TTC28: variants seen among roughly 807,000 people sequenced by gnomAD.
The protein encoded by TTC28 is tetratricopeptide repeat protein 28.
A neutral mutation model predicts 198.0 loss-of-function variants in TTC28; 61 were observed. The ratio of observed to expected loss-of-function variants is 0.31; its 90% confidence interval spans 0.25 to 0.38. The LOEUF (loss-of-function observed/expected upper bound fraction) is 0.38, where lower values mean the gene tolerates loss of function less well. Among genes scored for constraint, TTC28 ranks in the 10% least tolerant of loss-of-function variants. The pLI is 1.00. For missense variants in TTC28, 2,678 were observed against 3,164.0 expected, an observed-to-expected ratio of 0.85 and a Z score of 3.69; for synonymous variants, 1,171 against 1,297.8, an observed-to-expected ratio of 0.90 and a Z score of 2.10.
At chr22:28,534,042 A>G (rs1311136479) in intron 2 of TTC28, among the ~76,000 whole-genome samples, 1 of 152,368 alleles carries the variant, frequency 6.6e-6, no homozygotes, top group South Asian at 2.1e-4. Flanking sequence ...ATGGCAACAA[A>G]AGCCAAAATT....
chr22:28,216,803 C>G (rs1336266013), intron 5 of TTC28, among the ~76,000 whole-genome samples: 2 of 152,100 alleles, frequency 1.3e-5, no homozygotes, highest in South Asian at 2.1e-4. Context: ...CTTACTGCAG[C>G]CTCAATCTCC....
chr22:28,131,372 T>C (rs946063140), intron 6 of TTC28, among the ~76,000 whole-genome samples: 1 of 152,178 alleles, frequency 6.6e-6, no homozygotes, highest in Non-Finnish European at 1.5e-5. Context: ...ATCAAAATGG[T>C]CATTTTGTAG....
intron 5 of TTC28, 85 bp downstream of exon 5, chr22:28,296,113 G>A: frequency 2.9e-6 from 4 of 1,368,078 alleles, no homozygotes; most frequent in Non-Finnish European, 2.9e-6. Context: ...TAAGATACCT[G>A]AAACAGTTTG....
At chr22:28,595,783 G>A (rs1284394168) in intron 2 of TTC28, among the ~76,000 whole-genome samples, 1 of 152,120 alleles carries the variant, frequency 6.6e-6, no homozygotes, top group African/African-American at 2.4e-5. Flanking sequence ...AATTATCTGG[G>A]CATGGTGGCA....
intron 2 of TTC28, among the ~76,000 whole-genome samples, chr22:28,387,157 T>A (rs1354922979): frequency 2.0e-5 from 3 of 152,208 alleles, no homozygotes; most frequent in Non-Finnish European, 4.4e-5. Context: ...TCCATGTCCC[T>A]ACAAAGGACG....
chr22:28,672,231 C>T (rs764540086), intron 1 of TTC28, among the ~76,000 whole-genome samples: 6 of 152,056 alleles, frequency 3.9e-5, no homozygotes, highest in Non-Finnish European at 8.8e-5. Flanking sequence ...AGGCTGGAGG[C>T]CATCTCGGCT....
chr22:28,675,327 G>A (rs2051964924), intron 1 of TTC28, among the ~76,000 whole-genome samples: 1 of 151,994 alleles, frequency 6.6e-6, no homozygotes, highest in South Asian at 2.1e-4. Flanking sequence ...TAAATCATAG[G>A]GCTAAATCTT....
At position 27,981,606 on chromosome 22, in the gene TTC28, G is replaced by C. The variant is rs925344148; in HGVS notation, c.*615C>G. On this transcript the variant is annotated 3_prime_UTR_variant, in exon 23 of 23. Transcript: ENST00000397906. ...GAGCAGAGTTCAGAATGGAAGCGCTGTTTCAATGTGAATTATTGCATTGTT... is the reference window on the plus strand; with the variant it reads ...GAGCAGAGTTCAGAATGGAAGCGCTCTTTCAATGTGAATTATTGCATTGTT... 1.3e-5 allele frequency: 2 copies of C among 152,026 alleles called. No individual in the cohort carries two copies. Among genetic ancestry groups the C allele is most frequent in the East Asian group, 3.9e-4 (2 of 5,184 alleles). The allele number at this position is 152,026 out of a possible 1,614,324, so 9.4% of individuals were successfully genotyped here.
intron 1 of TTC28, among the ~76,000 whole-genome samples, chr22:28,672,402 G>A (rs969528313): frequency 7.9e-5 from 12 of 151,888 alleles, no homozygotes; most frequent in Admixed American, 3.3e-4. Context: ...TCCTGACCTC[G>A]TGATCCACCC....
intron 6 of TTC28, among the ~76,000 whole-genome samples, chr22:28,113,751 G>C (rs537075440): frequency 2.4e-4 from 37 of 152,332 alleles, no homozygotes; most frequent in Middle Eastern, 6.8e-3. Flanking sequence ...GATGAAACAA[G>C]ATTAGCAAAA....
At chr22:28,254,245 T>C (rs1015314950) in intron 5 of TTC28, among the ~76,000 whole-genome samples, 3 of 152,070 alleles carry the variant, frequency 2.0e-5, no homozygotes, top group South Asian at 2.1e-4. Context: ...AGGTTGAGGC[T>C]GGAAACATAC....
chr22:28,358,862 T>C (rs561751184), intron 2 of TTC28, among the ~76,000 whole-genome samples: 3 of 152,144 alleles, frequency 2.0e-5, no homozygotes, highest in Non-Finnish European at 1.5e-5. Flanking sequence ...CAGTTTCCAA[T>C]GGGTTCTTAT....
rs959607622 is a variant in TTC28, at chr22:27,981,521, T to C, written c.*700A>G. The C allele has an allele frequency of 1.3e-4, 20 of 152,030 alleles. No individual in the cohort carries two copies. Among genetic ancestry groups the C allele is most frequent in the African/African-American group, 4.6e-4 (19 of 41,408 alleles). The allele number at this position is 152,030 out of a possible 1,614,324, so 9.4% of individuals were successfully genotyped here. On this transcript the variant is annotated 3_prime_UTR_variant, in exon 23 of 23. Transcript: ENST00000397906. Reference sequence around the variant, plus strand: ...CTAAAATGCCTGGATAAGAGTTACATAATTTTTTTTTTAAGAAAATTCAAG... The same window carrying C: ...CTAAAATGCCTGGATAAGAGTTACACAATTTTTTTTTTAAGAAAATTCAAG...
chr22:28,424,821 G>A (rs1347184090), intron 2 of TTC28, among the ~76,000 whole-genome samples: 2 of 152,160 alleles, frequency 1.3e-5, no homozygotes, highest in Admixed American at 6.5e-5. Flanking sequence ...AATAGCTGCT[G>A]GCAGCTGTTT....
intron 2 of TTC28, among the ~76,000 whole-genome samples, chr22:28,477,371 C>T (rs1395640438): frequency 1.3e-5 from 2 of 152,156 alleles, no homozygotes; most frequent in Admixed American, 1.3e-4. Context: ...TCCCATGATC[C>T]ATAAGACATT....
At chr22:28,275,399 T>A (rs1336898889) in intron 5 of TTC28, among the ~76,000 whole-genome samples, 1 of 152,198 alleles carries the variant, frequency 6.6e-6, no homozygotes, top group African/African-American at 2.4e-5. Context: ...ATTTGGTAGT[T>A]GTTTTTCTTA....
At chr22:28,556,878 C>T (rs1377485590) in intron 2 of TTC28, among the ~76,000 whole-genome samples, 2 of 152,320 alleles carry the variant, frequency 1.3e-5, no homozygotes, top group East Asian at 1.9e-4. Flanking sequence ...TAGGGCTTTT[C>T]CATGGGTTGC....
Position 28,336,982 on chromosome 22 carries a change from T to C in TTC28, c.382-30339A>G, listed in dbSNP as rs2045733341. 2.0e-5 allele frequency among the ~76,000 whole-genome samples: 3 copies of C among 152,364 alleles called. No individual in the cohort carries two copies. The South Asian group carries it at 6.2e-4, about 32-fold the overall frequency. ...GCTTTCTCTTGTGGGCATTTAGTGC[T>C]ATAAATTTCCCTCTACACACTGCTT... On this transcript the variant is annotated intron_variant, in intron 2 of 22. Transcript: ENST00000397906.
intron 2 of TTC28, among the ~76,000 whole-genome samples, chr22:28,490,769 G>A (rs760754028): frequency 1.3e-5 from 2 of 152,146 alleles, no homozygotes; most frequent in Non-Finnish European, 2.9e-5. Context: ...TATTAATTGA[G>A]TAAATGGTGC....
Sources: allele counts gnomAD v4.1 joint callset (sites outside exome capture counted in the v4.1 genomes callset), GRCh38; gene constraint gnomAD v4.1.1; transcripts MANE v1.5; gene names NCBI Gene and HGNC (gene_info 2026-07-23, HGNC 2026-07-21).